UBE3A: variants seen among roughly 807,000 people sequenced by gnomAD.
UBE3A encodes the protein ubiquitin-protein ligase E3A.
UBE3A carries 6 observed loss-of-function variants against 83.4 expected under a neutral mutation model. The observed-to-expected ratio is 0.07, with a 90% CI of 0.04 to 0.14. UBE3A has a LOEUF of 0.14. UBE3A is among the 10% of genes least tolerant of loss of function. The pLI, the probability that UBE3A is intolerant of heterozygous loss-of-function variation, is 1.00. For missense variants in UBE3A, 456 were observed against 1,036.1 expected (o/e 0.44, Z 7.69); for synonymous variants, 337 against 355.4 (o/e 0.95, Z 0.58).
intron 5 of UBE3A, among the ~76,000 whole-genome samples, chr15:25,372,869 T>C (rs960449318): frequency 1.3e-5 from 2 of 152,096 alleles, no homozygotes; most frequent in Admixed American, 6.5e-5. Context: ...GTACAACATG[T>C]AGAATTTTTA....
At chr15:25,342,848 G>C (rs2152538560) in intron 11 of UBE3A, among the ~76,000 whole-genome samples, 1 of 152,176 alleles carries the variant, frequency 6.6e-6, no homozygotes, top group South Asian at 2.1e-4. Context: ...ACTGAGTGTA[G>C]GTTAGAGCAC....
At chr15:25,352,355 C>T (rs1387750256) in intron 11 of UBE3A, among the ~76,000 whole-genome samples, 2 of 152,114 alleles carry the variant, frequency 1.3e-5, no homozygotes, top group African/African-American at 4.8e-5. Context: ...TACAGGCATA[C>T]CCCAGAGATA....
At chr15:25,383,553 C>T (rs1205940170) in intron 4 of UBE3A, among the ~76,000 whole-genome samples, 1 of 152,068 alleles carries the variant, frequency 6.6e-6, no homozygotes, top group Non-Finnish European at 1.5e-5. Flanking sequence ...AGGACAATCA[C>T]TTGAGAACCC....
intron 4 of UBE3A, among the ~76,000 whole-genome samples, chr15:25,398,788 T>TATAA (rs2086278346): frequency 2.5e-5 from 1 of 40,692 alleles, no homozygotes; most frequent in Non-Finnish European, 4.8e-5. Flanking sequence ...TATATATATA[T>TATAA]ATATATATAT....
chr15:25,415,262 A>G (rs1179293432), intron 1 of UBE3A, among the ~76,000 whole-genome samples: 6 of 152,200 alleles, frequency 3.9e-5, no homozygotes, highest in African/African-American at 7.2e-5. Context: ...AAAGTTACAC[A>G]TATCATTCTA....
At chr15:25,363,221 C>T (rs1024833356) in intron 6 of UBE3A, among the ~76,000 whole-genome samples, 2 of 152,100 alleles carry the variant, frequency 1.3e-5, no homozygotes, top group Non-Finnish European at 2.9e-5. Context: ...TAAATGCAAA[C>T]ATACAACTTT....
intron 1 of UBE3A, among the ~76,000 whole-genome samples, chr15:25,412,780 T>C (rs1453588582): frequency 6.6e-6 from 1 of 151,538 alleles, no homozygotes; most frequent in Non-Finnish European, 1.5e-5. Flanking sequence ...ACACTGCATA[T>C]AAAACATTTT....
chr15:25,374,117 T>C (rs955864421), intron 5 of UBE3A: 10 of 152,056 alleles, frequency 6.6e-5, no homozygotes, highest in African/African-American at 2.4e-4. Context: ...CAATAGTAAC[T>C]ATAGAACAAT....
At chr15:25,382,320 CAAA>C (rs1033359160) in intron 4 of UBE3A, among the ~76,000 whole-genome samples, 1 of 103,624 alleles carries the variant, frequency 9.7e-6, no homozygotes, top group African/African-American at 3.6e-5. Flanking sequence ...GACTCTGTCT[CAAA>C]AAAAAAAAAG....
At chr15:25,339,349 G>C in intron 12 of UBE3A, 92 bp from the exon 13 acceptor site, 1 of 1,497,842 alleles carries the variant, frequency 6.7e-7, no homozygotes, top group Non-Finnish European at 9.1e-7. Context: ...ATTGTATATA[G>C]TTGAGACGGT....
chr15:25,371,449 C>T lies in UBE3A; in HGVS notation c.725G>A (p.Arg242Lys). 1 of 1,614,086 alleles carries T rather than the reference C, an allele frequency of 6.2e-7. No homozygotes were observed. Among genetic ancestry groups the T allele is most frequent in the East Asian group, 2.2e-5 (1 of 44,874 alleles). ...TTCAATTTTTTCATTAGAGAGCAAT[C>T]TGGTGTAGACCCTTCTAATGGCATC... The part of the protein sequence containing the change: ...DIDAIRRVYT[R>K]LLSNEKIETA... The change falls in exon 6 of 13, where the codon AGA becomes AAA. Residue 242 changes from arginine (R) to lysine (K), a missense_variant. By Grantham distance (26) the Arg-to-Lys change is conservative (BLOSUM62 2). This residue lies in a region of UBE3A where 40 missense variants were observed against 124.8 expected (regional missense o/e 0.32). Coordinates refer to ENST00000648336, the MANE Select transcript of UBE3A (RefSeq NM_130839.5). The surrounding 1 kb of genome is among the most constrained non-coding windows in gnomAD (Gnocchi z 5.3).
chr15:25,378,631 C>T (rs1394987455), intron 4 of UBE3A, among the ~76,000 whole-genome samples: 1 of 152,072 alleles, frequency 6.6e-6, no homozygotes, highest in Non-Finnish European at 1.5e-5. Flanking sequence ...AGAACCAAGA[C>T]AAGAATAGGA....
chr15:25,392,643 G>A (rs1309030487), intron 4 of UBE3A, among the ~76,000 whole-genome samples: 2 of 152,142 alleles, frequency 1.3e-5, no homozygotes, highest in African/African-American at 4.8e-5. Context: ...CTTAGGAGAG[G>A]TGAATCACAA....
chr15:25,351,634 T>C (rs1341410179), intron 11 of UBE3A, among the ~76,000 whole-genome samples: 4 of 152,174 alleles, frequency 2.6e-5, no homozygotes, highest in African/African-American at 9.6e-5. Flanking sequence ...CAAACCCAGC[T>C]AATTTTTGTA....
chr15:25,360,542 G>C lies in UBE3A; in HGVS notation c.1609-15C>G, dbSNP rs2077893550. On this transcript the variant is annotated splice_polypyrimidine_tract_variant and intron_variant, in intron 6 of 12. Transcript: ENST00000648336. ...ATCATCTCTAGCTAGTGATTGAAAA[G>C]ATAAACATGAAAAGAAGATGATTGC... The C allele has an allele frequency of 6.2e-7, 1 of 1,611,356 alleles. No homozygotes were observed. Among genetic ancestry groups the C allele is most frequent in the Non-Finnish European group, 8.5e-7 (1 of 1,179,166 alleles).
At chr15:25,417,270 G>A (rs1334048497) in intron 1 of UBE3A, among the ~76,000 whole-genome samples, 1 of 152,058 alleles carries the variant, frequency 6.6e-6, no homozygotes, top group East Asian at 1.9e-4. Context: ...TTAAAGCAAA[G>A]CCTTCTCTAG....
chr15:25,434,769 T>A (rs1401377289), intron 1 of UBE3A, among the ~76,000 whole-genome samples: 1 of 152,128 alleles, frequency 6.6e-6, no homozygotes, highest in African/African-American at 2.4e-5. Flanking sequence ...GACACCTGGG[T>A]GACTTTAAGA....
At chr15:25,429,171 T>C (rs943150700) in intron 1 of UBE3A, among the ~76,000 whole-genome samples, 9 of 152,222 alleles carry the variant, frequency 5.9e-5, no homozygotes, top group African/African-American at 2.2e-4. Flanking sequence ...CACTTACAGA[T>C]ACATGTACAC....
chr15:25,381,501 A>C (rs1425768933), intron 4 of UBE3A, among the ~76,000 whole-genome samples: 5 of 152,228 alleles, frequency 3.3e-5, no homozygotes. Context: ...ATAAAAACGG[A>C]AAGATTAAAA....
Sources: allele counts gnomAD v4.1 joint callset (sites outside exome capture counted in the v4.1 genomes callset), GRCh38; gene constraint gnomAD v4.1.1; regional missense constraint gnomAD v4.1.1; non-coding constraint Gnocchi (gnomAD v3.1); transcripts MANE v1.5; gene names NCBI Gene and HGNC (gene_info 2026-07-23, HGNC 2026-07-21).